Variants in KPNA3 observed in about 807,000 individuals in gnomAD.
The protein encoded by KPNA3 is importin subunit alpha-4.
Under a neutral mutation model 73.8 loss-of-function variants are expected in KPNA3, and 13 were observed. The ratio of observed to expected loss-of-function variants is 0.18; its 90% confidence interval spans 0.11 to 0.28. The LOEUF (loss-of-function observed/expected upper bound fraction) is 0.28, where lower values mean the gene tolerates loss of function less well. Ranked by LOEUF, KPNA3 falls within the 10% of genes least tolerant of loss-of-function variation. The probability of loss-of-function intolerance (pLI) is 1.00; values close to 1 mark genes in which losing one functional copy is unlikely to be tolerated. For synonymous variants in KPNA3, 186 were observed against 206.9 expected, an observed-to-expected ratio of 0.90 and a Z score of 0.87; for missense variants, 360 against 618.1, an observed-to-expected ratio of 0.58 and a Z score of 4.43.
intron 12 of KPNA3, among the ~76,000 whole-genome samples, chr13:49,707,721 T>C (rs1437170431): frequency 6.6e-6 from 1 of 152,092 alleles, no homozygotes; most frequent in Non-Finnish European, 1.5e-5. Flanking sequence ...ATCACCTATA[T>C]TGTTAAAAAT....
At chr13:49,748,896 A>T (rs1339146384) in intron 1 of KPNA3, among the ~76,000 whole-genome samples, 2 of 152,184 alleles carry the variant, frequency 1.3e-5, no homozygotes, top group Non-Finnish European at 2.9e-5. Flanking sequence ...ACAATCTTCA[A>T]ATACCAACAT....
chr13:49,757,399 A>C (rs1954720926), intron 1 of KPNA3, among the ~76,000 whole-genome samples: 1 of 152,212 alleles, frequency 6.6e-6, no homozygotes. Context: ...AGAAATGAAA[A>C]AATATTTCAT....
intron 1 of KPNA3, among the ~76,000 whole-genome samples, chr13:49,764,048 CAGAG>C (rs1954789804): frequency 8.6e-6 from 1 of 115,914 alleles, no homozygotes; most frequent in Admixed American, 1.1e-4. Context: ...GCCTGGGTAA[CAGAG>C]AGAGACCCTG....
intron 1 of KPNA3, among the ~76,000 whole-genome samples, chr13:49,764,462 C>T (rs1954793568): frequency 6.6e-6 from 1 of 152,148 alleles, no homozygotes; most frequent in Non-Finnish European, 1.5e-5. Flanking sequence ...TCCAAATCGT[C>T]CTTCCTCTCA....
At chr13:49,747,228 T>C (rs750243361) in intron 1 of KPNA3, among the ~76,000 whole-genome samples, 35 of 151,926 alleles carry the variant, frequency 2.3e-4, no homozygotes, top group Admixed American at 1.8e-3. Flanking sequence ...ACCTGTAATC[T>C]CAGCTACATG....
At chr13:49,743,328 A>T (rs1954590055) in intron 2 of KPNA3, among the ~76,000 whole-genome samples, 1 of 152,176 alleles carries the variant, frequency 6.6e-6, no homozygotes, top group Admixed American at 6.5e-5. Context: ...CTGACCATAA[A>T]GAGTGGAAGA....
chr13:49,792,601 G>A lies in KPNA3; in HGVS notation c.-95C>T, dbSNP rs554127749. On this transcript the variant is annotated 5_prime_UTR_variant, in exon 1 of 17. Coordinates refer to ENST00000261667, the MANE Select transcript of KPNA3 (RefSeq NM_002267.4). ...GAGGGGGAGGAGGGGGAGAGCGGGA[G>A]GGGGGAGGGGAGAGAAGAGCACGTT... 1.2e-4 allele frequency: 43 copies of A among 370,336 alleles called. 2 individuals carry two copies. The East Asian group carries it at 2.2e-3, about 19-fold the overall frequency. The allele number at this position is 370,336 out of a possible 1,614,324, so 22.9% of individuals were successfully genotyped here.
intron 11 of KPNA3, among the ~76,000 whole-genome samples, chr13:49,710,516 T>C (rs192980268): frequency 1.3e-5 from 2 of 152,322 alleles, no homozygotes; most frequent in Admixed American, 1.3e-4. Context: ...AATGATTTTG[T>C]AATGGAATGG....
At chr13:49,733,449 TG>T (rs1160248101) in intron 2 of KPNA3, among the ~76,000 whole-genome samples, 1 of 151,930 alleles carries the variant, frequency 6.6e-6, no homozygotes, top group Non-Finnish European at 1.5e-5. Flanking sequence ...CCACCACACC[TG>T]GCTAATTTTT....
At chr13:49,773,889 T>C (rs1016317856) in intron 1 of KPNA3, among the ~76,000 whole-genome samples, 24 of 152,140 alleles carry the variant, frequency 1.6e-4, no homozygotes, top group African/African-American at 5.6e-4. Context: ...TGAAAGTCTA[T>C]AGCACCAATA....
chr13:49,782,013 C>T (rs958662062), intron 1 of KPNA3, among the ~76,000 whole-genome samples: 53 of 152,302 alleles, frequency 3.5e-4, no homozygotes, highest in African/African-American at 1.2e-3. Flanking sequence ...GTACTTCTGT[C>T]AAGATGAATC....
intron 1 of KPNA3, among the ~76,000 whole-genome samples, chr13:49,764,964 G>T (rs892681828): frequency 1.3e-5 from 2 of 152,122 alleles, no homozygotes; most frequent in African/African-American, 4.8e-5. Flanking sequence ...TGGTACCTTT[G>T]CGGGAGAACA....
chr13:49,756,137 C>T (rs1285663029), intron 1 of KPNA3, among the ~76,000 whole-genome samples: 2 of 152,042 alleles, frequency 1.3e-5, no homozygotes, highest in East Asian at 1.9e-4. Context: ...AGCTGGGCAT[C>T]GTGGTATATG....
chr13:49,734,140 C>A (rs956395436), intron 2 of KPNA3, among the ~76,000 whole-genome samples: 1 of 152,198 alleles, frequency 6.6e-6, no homozygotes, highest in Non-Finnish European at 1.5e-5. Flanking sequence ...TGTTCCTTCT[C>A]TCTACTTGCT....
intron 12 of KPNA3, among the ~76,000 whole-genome samples, chr13:49,706,773 G>C (rs1442998240): frequency 2.6e-5 from 4 of 151,082 alleles, no homozygotes; most frequent in African/African-American, 9.8e-5. Flanking sequence ...TTTTGAGACG[G>C]AGTCTTGCTC....
At chr13:49,735,520 A>G (rs1349508951) in intron 2 of KPNA3, among the ~76,000 whole-genome samples, 1 of 152,076 alleles carries the variant, frequency 6.6e-6, no homozygotes, top group Non-Finnish European at 1.5e-5. Context: ...AGTAACTTAA[A>G]CTGTCCCTTC....
chr13:49,734,427 T>A lies in KPNA3; in HGVS notation c.115-1381A>T, dbSNP rs1594442151. On this transcript the variant is annotated intron_variant, in intron 2 of 16. Transcript: ENST00000261667. ...CTGACATCTGCTTTATACCAGAAGT[T>A]CCCAAACTTTCTCAGTCCACAGTGT... is the stretch of plus-strand genomic sequence containing the variant. 1.3e-5 allele frequency among the ~76,000 whole-genome samples: 2 copies of A among 152,284 alleles called. 1 individual carries two copies. Among genetic ancestry groups the A allele is most frequent in the South Asian group, 4.1e-4 (2 of 4,832 alleles).
intron 1 of KPNA3, among the ~76,000 whole-genome samples, chr13:49,769,278 T>C (rs1322625142): frequency 6.6e-6 from 1 of 152,228 alleles, no homozygotes; most frequent in Non-Finnish European, 1.5e-5. Flanking sequence ...TTTATTTTAG[T>C]AGCAGCTTTA....
At chr13:49,730,509 G>C (rs1295868731) in intron 6 of KPNA3, among the ~76,000 whole-genome samples, 1 of 63,310 alleles carries the variant, frequency 1.6e-5, no homozygotes, top group Non-Finnish European at 3.2e-5. Flanking sequence ...AACAGAGCGA[G>C]ACTCTGTCTC....
Sources: gnomAD v4.1 joint callset for allele counts (sites outside exome capture counted in the v4.1 genomes callset) on GRCh38, gnomAD v4.1.1 for gene constraint, MANE v1.5 for transcripts, NCBI Gene and HGNC (gene_info 2026-07-23, HGNC 2026-07-21) for gene names.